Variants in FLT3 observed in about 807,000 individuals in gnomAD.
The protein encoded by FLT3 is fms related receptor tyrosine kinase 3.
FLT3 carries 46 observed loss-of-function variants against 126.6 expected under a neutral mutation model. The ratio of observed to expected loss-of-function variants is 0.36; its 90% CI spans 0.29 to 0.46. The LOEUF is 0.46. Ranked by LOEUF, FLT3 falls within the 20% of genes least tolerant of loss-of-function variation. FLT3 has a pLI of 1.00. For synonymous variants in FLT3, 404 were observed against 434.4 expected, an observed-to-expected ratio of 0.93 and a Z score of 0.87; for missense variants, 1,069 against 1,190.3, an observed-to-expected ratio of 0.90 and a Z score of 1.50.
At chr13:28,082,670 TTTTTG>T (rs140799826) in intron 1 of FLT3, among the ~76,000 whole-genome samples, 108,231 of 143,290 alleles carry the variant, frequency 0.76, 42,682 homozygotes, top group East Asian at 0.91. Context: ...GCCCAGCTAA[TTTTTG>T]TTTTGTTTTG....
chr13:28,083,555 T>C (rs997506791), intron 1 of FLT3, among the ~76,000 whole-genome samples: 2 of 152,242 alleles, frequency 1.3e-5, no homozygotes, highest in Non-Finnish European at 2.9e-5. Flanking sequence ...GGAGTCTGTA[T>C]AGAATTGGTT....
At chr13:28,049,082 G>C (rs1209070480) in intron 8 of FLT3, among the ~76,000 whole-genome samples, 3 of 152,174 alleles carry the variant, frequency 2.0e-5, no homozygotes, top group African/African-American at 7.2e-5. Context: ...GGAACTACAA[G>C]GATAGAATGA....
At chr13:28,037,131 T>A (rs773388114) in intron 10 of FLT3, 54 bp downstream of exon 10, 426 of 1,082,000 alleles carry the variant, frequency 3.9e-4, no homozygotes, top group Non-Finnish European at 4.4e-4. Context: ...TTAAGACTAA[T>A]AAAAAATTAA....
At chr13:28,088,584 C>CTT (rs34680883) in intron 1 of FLT3, among the ~76,000 whole-genome samples, 1,212 of 103,294 alleles carry the variant, frequency 0.012, 24 homozygotes, top group Non-Finnish European at 0.015. Context: ...CATCCAAAAC[C>CTT]TTTTTTTTTT....
Position 28,004,127 on chromosome 13 carries a change from G to T in FLT3, c.2907C>A (p.Tyr969Ter), listed in dbSNP as rs2137578289. ...DGRVSECPHT[Y>*]QNRRPFSREM... is the part of the protein sequence containing the mutation. The stretch of plus-strand genomic sequence containing the variant: ...CTCTGCTGAAAGGTCGCCTGTTTTG[G>T]TAGGTGTGAGGACATTCCGAAACAC... The change falls in exon 24 of 24, where the codon TAC becomes TAA. Residue 969 changes from tyrosine (Y) to a stop codon, truncating the protein, a stop_gained. Coordinates refer to ENST00000241453, the MANE Select transcript of FLT3 (RefSeq NM_004119.3). LOFTEE classifies it low-confidence loss of function (END_TRUNC). 4 of 1,614,096 alleles carry T rather than the reference G, an allele frequency of 2.5e-6. No individual in the cohort carries two copies. The East Asian group carries it at 6.7e-5, about 27-fold the overall frequency.
intron 11 of FLT3, 92 bp downstream of exon 11, chr13:28,035,843 A>G (rs574377227): frequency 1.6e-6 from 2 of 1,258,430 alleles, no homozygotes; most frequent in South Asian, 1.3e-5. Context: ...TAAATATTTC[A>G]TCATTTCCTC....
At chr13:28,035,439 C>T in intron 12 of FLT3, 56 bp downstream of exon 12, 1 of 1,534,130 alleles carries the variant, frequency 6.5e-7, no homozygotes, top group East Asian at 2.2e-5. Context: ...GCGATGGGGA[C>T]TAACTTCTAG....
At chr13:28,004,198 C>T (rs1870684167) in intron 23 of FLT3, 24 bp from the exon 24 acceptor site, 1 of 1,612,542 alleles carries the variant, frequency 6.2e-7, no homozygotes, top group Non-Finnish European at 8.5e-7. Flanking sequence ...AGAGACAGAA[C>T]ACTGATTACC....
chr13:28,050,243 C>T lies in FLT3; in HGVS notation c.615-21G>A, dbSNP rs1183372813. The T allele has an allele frequency of 6.2e-6, 10 of 1,612,464 alleles. No individual in the cohort carries two copies. The South Asian group carries it at 8.8e-5, about 14-fold the overall frequency. ...TACAGCTGCAATTAGAAAAGAAGTA[C>T]CATTTGGCTAAACAAGTTTTAAAAT... On this transcript the variant is annotated intron_variant, in intron 5 of 23. Transcript: ENST00000241453.
intron 1 of FLT3, among the ~76,000 whole-genome samples, chr13:28,085,988 C>A (rs1878650176): frequency 6.6e-6 from 1 of 152,088 alleles, no homozygotes; most frequent in Admixed American, 6.6e-5. Flanking sequence ...GGACTGGTTT[C>A]ATTTATGATG....
chr13:28,051,221 A>G (rs1875426150), intron 5 of FLT3, among the ~76,000 whole-genome samples: 1 of 151,806 alleles, frequency 6.6e-6, no homozygotes, highest in Non-Finnish European at 1.5e-5. Context: ...TTTTGTCACA[A>G]GGAATTTCTT....
chr13:28,020,116 T>G (rs527584107), intron 19 of FLT3, among the ~76,000 whole-genome samples: 3 of 152,138 alleles, frequency 2.0e-5, no homozygotes, highest in Non-Finnish European at 4.4e-5. Flanking sequence ...AAAAAACTCC[T>G]CCTGATTCCA....
At chr13:28,043,164 A>G (rs1874534721) in intron 9 of FLT3, among the ~76,000 whole-genome samples, 1 of 149,182 alleles carries the variant, frequency 6.7e-6, no homozygotes, top group African/African-American at 2.5e-5. Flanking sequence ...AGAAGAGGTT[A>G]CTAAGTAATT....
chr13:28,073,440 G>T, intron 1 of FLT3: 2 of 422,836 alleles, frequency 4.7e-6, no homozygotes, highest in Non-Finnish European at 9.4e-6. Context: ...AGCCATCTTT[G>T]TAATCTCATA....
intron 9 of FLT3, among the ~76,000 whole-genome samples, chr13:28,039,350 C>T (rs1368518271): frequency 2.0e-5 from 3 of 151,430 alleles, no homozygotes; most frequent in East Asian, 2.0e-4. Flanking sequence ...TACAGGTGCC[C>T]GCCACCACGC....
rs113681403 is a variant in FLT3, at chr13:28,015,379, C to T, written c.2654-123G>A. On this transcript the variant is annotated intron_variant, in intron 21 of 23. Transcript: ENST00000241453. ...GACACTGTTGCAGGCACACGGGCTGCGGCTGGGAAAAAGAAGTCACGGTTC... is the reference window on the plus strand; with the variant it reads ...GACACTGTTGCAGGCACACGGGCTGTGGCTGGGAAAAAGAAGTCACGGTTC... 1.6e-4 allele frequency: 125 copies of T among 783,266 alleles called. 1 individual carries two copies. The East Asian group carries it at 1.9e-3, about 12-fold the overall frequency. The allele number at this position is 783,266 out of a possible 1,614,324, so 48.5% of individuals were successfully genotyped here. A position where few individuals can be genotyped will look rare whatever the true frequency, so the allele number is the denominator to read the frequency against.
At chr13:28,039,908 GTCTCAA>G (rs1335015626) in intron 9 of FLT3, among the ~76,000 whole-genome samples, 1 of 151,884 alleles carries the variant, frequency 6.6e-6, no homozygotes, top group Non-Finnish European at 1.5e-5. Flanking sequence ...GCCCAGGCTG[GTCTCAA>G]ACTCCTGCCC....
chr13:28,091,382 C>A lies in FLT3; in HGVS notation c.43+9086G>T, dbSNP rs373871325. ...GACTACAGGCGCCCGCCACCACGCC[C>A]GGCTAATTTTTTGTATTTTTAGTAG... On this transcript the variant is annotated intron_variant, in intron 1 of 23. Transcript: ENST00000241453. Among the ~76,000 whole-genome samples, 34 of 149,250 alleles carry A rather than the reference C, an allele frequency of 2.3e-4. No individual in the cohort carries two copies. The South Asian group carries it at 2.6e-3, about 11-fold the overall frequency.
chr13:28,032,439 A>G (rs544590380), intron 15 of FLT3, among the ~76,000 whole-genome samples: 66 of 152,314 alleles, frequency 4.3e-4, no homozygotes, highest in African/African-American at 1.5e-3. Context: ...GCGAAGCCCC[A>G]TCTCTACCAA....
Sources: allele counts gnomAD v4.1 joint callset (sites outside exome capture counted in the v4.1 genomes callset), GRCh38; gene constraint gnomAD v4.1.1; transcripts MANE v1.5; gene names NCBI Gene and HGNC (gene_info 2026-07-23, HGNC 2026-07-21).